The following MPZL1 variants were observed in gnomAD, a reference collection of about 807,000 sequenced individuals.
MPZL1 encodes the protein myelin protein zero-like protein 1.
MPZL1 carries 16 observed loss-of-function variants against 29.3 expected under a neutral mutation model. The observed-to-expected ratio is 0.55, with a 90% CI of 0.37 to 0.83. The LOEUF (loss-of-function observed/expected upper bound fraction) is 0.83. Among genes scored for constraint, MPZL1 ranks in the 40% least tolerant of loss-of-function variants. The pLI, the probability that MPZL1 is intolerant of heterozygous loss-of-function variation, is 0.00. For synonymous variants in MPZL1, 143 were observed against 132.0 expected (o/e 1.08, Z -0.57); for missense variants, 279 against 332.9 (o/e 0.84, Z 1.26).
chr1:167,770,985 A>G (rs1368514059), intron 2 of MPZL1, among the ~76,000 whole-genome samples: 2 of 151,522 alleles, frequency 1.3e-5, no homozygotes, highest in Non-Finnish European at 2.9e-5. Context: ...TGTGATTTGT[A>G]ATATGATGTT....
chr1:167,777,111 A>G (rs186512694), intron 5 of MPZL1, among the ~76,000 whole-genome samples: 6 of 152,298 alleles, frequency 3.9e-5, no homozygotes, highest in East Asian at 3.9e-4. Context: ...TTCCTGTTCT[A>G]TCTGTCTGTC....
At chr1:167,783,466 T>C (rs1661534404) in intron 5 of MPZL1, among the ~76,000 whole-genome samples, 1 of 152,216 alleles carries the variant, frequency 6.6e-6, no homozygotes, top group Non-Finnish European at 1.5e-5. Context: ...ATGCAAAAGG[T>C]AGGTTTTTGG....
At chr1:167,772,640 A>AAC (rs1468377651) in intron 3 of MPZL1, 152 bp downstream of exon 3, 3 of 670,894 alleles carry the variant, frequency 4.5e-6, no homozygotes, top group Non-Finnish European at 5.0e-6. Context: ...GGCTCTACCA[A>AAC]ACACACTTGG....
chr1:167,727,855 CT>C (rs948963811), intron 1 of MPZL1, among the ~76,000 whole-genome samples: 1 of 149,510 alleles, frequency 6.7e-6, no homozygotes, highest in Non-Finnish European at 1.5e-5. Flanking sequence ...TATTCATTAT[CT>C]TTTTTCTTTC....
rs1476341850 is a variant in MPZL1 at position 167,791,302 on chromosome 1, T to G, written c.*3381T>G. 6.6e-6 allele frequency: 1 copy of G among 152,222 alleles called. No homozygotes were observed. The highest frequency in any genetic ancestry group is 1.9e-4 in the East Asian group (1 of 5,200). 9.4% of individuals were successfully genotyped at this position (152,222 alleles called of 1,614,324 possible). A position where few individuals can be genotyped will look rare whatever the true frequency, so the allele number is the denominator to read the frequency against. ...CATGTTACGTGGATGGATGAGTAGG[T>G]GGAAGCATTCATCCATTCAGCAACC... On this transcript the variant is annotated 3_prime_UTR_variant, in exon 6 of 6. Coordinates refer to ENST00000359523, the MANE Select transcript of MPZL1 (RefSeq NM_003953.6).
At chr1:167,764,904 A>G (rs1012537758) in intron 1 of MPZL1, among the ~76,000 whole-genome samples, 2 of 152,264 alleles carry the variant, frequency 1.3e-5, no homozygotes, top group African/African-American at 4.8e-5. Context: ...TACATGCTGT[A>G]TAATTTTAAC....
intron 5 of MPZL1, among the ~76,000 whole-genome samples, chr1:167,784,363 TAAATG>T (rs947291385): frequency 2.6e-5 from 4 of 152,138 alleles, no homozygotes; most frequent in African/African-American, 9.7e-5. Flanking sequence ...GATAAATAAA[TAAATG>T]AAATGGAGGG....
rs1660038430 is a variant in MPZL1 at position 167,722,039 on chromosome 1, C to T, written c.-113C>T. The stretch of plus-strand genomic sequence containing the variant: ...TGGGGAGCGCGGCGTGGAGGTGCCA[C>T]CCGGCGCGGGTGGCGGAGAGATCAG... On this transcript the variant is annotated 5_prime_UTR_variant, in exon 1 of 6. Transcript: ENST00000359523. 1.6e-6 allele frequency: 2 copies of T among 1,222,876 alleles called. No homozygotes were observed. The highest frequency in any genetic ancestry group is 4.2e-5 in the South Asian group (1 of 24,092). The allele number at this position is 1,222,876 out of a possible 1,614,324, so 75.8% of individuals were successfully genotyped here.
At chr1:167,735,226 T>C (rs560593052) in intron 1 of MPZL1, among the ~76,000 whole-genome samples, 1 of 152,360 alleles carries the variant, frequency 6.6e-6, no homozygotes, top group East Asian at 1.9e-4. Context: ...TTTAAAGGTA[T>C]AGTATATGTG....
chr1:167,733,916 A>G (rs1660322033), intron 1 of MPZL1, among the ~76,000 whole-genome samples: 2 of 151,794 alleles, frequency 1.3e-5, no homozygotes, highest in East Asian at 3.9e-4. Context: ...AAAAAAAAAG[A>G]TATGTCCTCT....
chr1:167,729,110 TA>T (rs1022238479), intron 1 of MPZL1, among the ~76,000 whole-genome samples: 4 of 146,610 alleles, frequency 2.7e-5, no homozygotes, highest in Admixed American at 6.8e-5. Context: ...TTACTGAAAA[TA>T]AAAAAAAAAT....
intron 1 of MPZL1, among the ~76,000 whole-genome samples, chr1:167,727,899 C>A (rs1417187926): frequency 7.3e-6 from 1 of 136,080 alleles, no homozygotes; most frequent in Non-Finnish European, 1.6e-5. Flanking sequence ...GACAGAGTCT[C>A]GTTTTGTCGC....
chr1:167,742,585 G>A (rs1047248533), intron 1 of MPZL1, among the ~76,000 whole-genome samples: 1 of 152,064 alleles, frequency 6.6e-6, no homozygotes, highest in Non-Finnish European at 1.5e-5. Context: ...TCACTCTGTG[G>A]GTTGTCTGTT....
chr1:167,732,935 A>C (rs998252519), intron 1 of MPZL1, among the ~76,000 whole-genome samples: 1 of 152,228 alleles, frequency 6.6e-6, no homozygotes, highest in African/African-American at 2.4e-5. Context: ...AAGAGCTTTC[A>C]TTGAAACTCC....
intron 3 of MPZL1, 44 bp from the exon 4 acceptor site, chr1:167,773,192 T>C (rs1268534831): frequency 1.3e-6 from 2 of 1,568,548 alleles, no homozygotes; most frequent in Admixed American, 1.8e-5. Context: ...ATGTTTTCTC[T>C]CTGTAGCAAT....
At chr1:167,772,596 C>G in intron 3 of MPZL1, 108 bp downstream of exon 3, 1 of 1,018,652 alleles carries the variant, frequency 9.8e-7, no homozygotes, top group African/African-American at 1.6e-5. Context: ...GGATTTTTGC[C>G]ATACAGTTGT....
intron 1 of MPZL1, among the ~76,000 whole-genome samples, chr1:167,727,041 A>T (rs1383797434): frequency 2.0e-5 from 3 of 152,224 alleles, no homozygotes; most frequent in Non-Finnish European, 4.4e-5. Flanking sequence ...GAAAATTTGC[A>T]GCAAATTTTT....
chr1:167,774,944 C>T (rs1661334538), intron 4 of MPZL1: 1 of 152,130 alleles, frequency 6.6e-6, no homozygotes, highest in Admixed American at 6.6e-5. Flanking sequence ...TGAGCTAACC[C>T]AACAGCTATT....
chr1:167,768,383 T>G (rs1028750385), intron 2 of MPZL1, among the ~76,000 whole-genome samples: 7 of 147,416 alleles, frequency 4.7e-5, no homozygotes, highest in Non-Finnish European at 9.0e-5. Flanking sequence ...TCCTCCATAA[T>G]GCCTCTTTTT....
Sources: gnomAD v4.1 joint callset for allele counts (sites outside exome capture counted in the v4.1 genomes callset) on GRCh38, gnomAD v4.1.1 for gene constraint, MANE v1.5 for transcripts, NCBI Gene and HGNC (gene_info 2026-07-23, HGNC 2026-07-21) for gene names.